Variants in DGKB observed in about 807,000 individuals in gnomAD.
The protein encoded by DGKB is 90 kDa diacylglycerol kinase.
DGKB carries 67 observed loss-of-function variants against 114.3 expected under a neutral mutation model. The observed-to-expected ratio is 0.59, with a 90% CI of 0.48 to 0.72. The LOEUF (loss-of-function observed/expected upper bound fraction) is 0.72, where lower values mean the gene tolerates loss of function less well. DGKB is among the 30% of genes least tolerant of loss of function. The probability of loss-of-function intolerance (pLI) is 0.00; values close to 1 mark genes in which losing one functional copy is unlikely to be tolerated. For synonymous variants in DGKB, 398 were observed against 323.1 expected (o/e 1.23, Z -2.49); for missense variants, 907 against 975.2 (o/e 0.93, Z 0.93).
At chr7:14,453,770 G>A (rs1401270674) in intron 21 of DGKB, among the ~76,000 whole-genome samples, 1 of 152,076 alleles carries the variant, frequency 6.6e-6, no homozygotes. Context: ...CTCTGCCCTT[G>A]TAGTTCAAAT....
intron 15 of DGKB, among the ~76,000 whole-genome samples, chr7:14,615,102 G>A (rs968490509): frequency 6.6e-6 from 1 of 151,930 alleles, no homozygotes. Context: ...GTTTTCATAA[G>A]CAAATAGCAA....
intron 23 of DGKB, among the ~76,000 whole-genome samples, chr7:14,278,334 A>G (rs1244725789): frequency 6.6e-6 from 1 of 152,172 alleles, no homozygotes; most frequent in Non-Finnish European, 1.5e-5. Flanking sequence ...CTAGAAATAA[A>G]CCCATATATT....
intron 23 of DGKB, among the ~76,000 whole-genome samples, chr7:14,335,732 T>C (rs1199323961): frequency 6.6e-6 from 1 of 152,120 alleles, no homozygotes; most frequent in Admixed American, 6.6e-5. Context: ...TATTGCTGCT[T>C]TGTTGTGTTT....
Position 14,359,578 on chromosome 7 carries a change from G to GCTAA in DGKB, c.1836-14191_1836-14188dup, listed in dbSNP as rs1815288052. Among the ~76,000 whole-genome samples, 3 of 152,180 alleles carry GCTAA rather than the reference G, an allele frequency of 2.0e-5. No individual in the cohort carries two copies. In the South Asian group the frequency reaches 6.2e-4, roughly 32 times the overall value. On this transcript the variant is annotated intron_variant, in intron 21 of 25. Transcript: ENST00000402815. Reference sequence around the variant, plus strand: ...TTGCAATCTACCCATCTGACAAAGGGCTAATATTCAGAATCTACAAAGAAC... The same window carrying GCTAA: ...TTGCAATCTACCCATCTGACAAAGGGCTAACTAATATTCAGAATCTACAAAGAAC...
At chr7:14,795,427 A>G (rs1586567020) in intron 2 of DGKB, among the ~76,000 whole-genome samples, 2 of 152,252 alleles carry the variant, frequency 1.3e-5, no homozygotes, top group Non-Finnish European at 2.9e-5. Context: ...TTAGGGATAT[A>G]TTGTAATGTT....
At chr7:14,734,197 G>A (rs1023762693) in intron 5 of DGKB, among the ~76,000 whole-genome samples, 1 of 81,878 alleles carries the variant, frequency 1.2e-5, no homozygotes, top group Admixed American at 1.1e-4. Flanking sequence ...ACCATGCCCG[G>A]CTAATTTTTT....
At chr7:14,342,012 A>G (rs1441806766) in intron 22 of DGKB, among the ~76,000 whole-genome samples, 1 of 151,868 alleles carries the variant, frequency 6.6e-6, no homozygotes, top group Non-Finnish European at 1.5e-5. Context: ...TAATTTCAGT[A>G]TTAGGACACA....
At chr7:14,571,513 C>T (rs1208977090) in intron 20 of DGKB, among the ~76,000 whole-genome samples, 2 of 152,118 alleles carry the variant, frequency 1.3e-5, no homozygotes, top group East Asian at 1.9e-4. Flanking sequence ...CAAGAGATCT[C>T]GGAATCAAAC....
chr7:14,400,776 G>C (rs1029567109), intron 21 of DGKB, among the ~76,000 whole-genome samples: 1 of 147,628 alleles, frequency 6.8e-6, no homozygotes, highest in Admixed American at 6.7e-5. Context: ...ATCCTGAAAT[G>C]TGGCTTAAGG....
Position 14,484,001 on chromosome 7 carries a change from T to C in DGKB, c.1771-5776A>G, listed in dbSNP as rs116501273. 5.5e-3 allele frequency among the ~76,000 whole-genome samples: 829 copies of C among 151,896 alleles called. 6 individuals are homozygous for C. The highest frequency in any genetic ancestry group is 0.019 in the African/African-American group (802 of 41,442). On this transcript the variant is annotated intron_variant, in intron 20 of 25. Transcript: ENST00000402815. ...TTGTGGTAATTTGTTACAGCAGGCA[T>C]GGGAAACTTATACTTCATCTGTTCA... is the stretch of plus-strand genomic sequence containing the variant.
intron 21 of DGKB, among the ~76,000 whole-genome samples, chr7:14,416,677 G>A (rs1825779006): frequency 6.6e-6 from 1 of 151,992 alleles, no homozygotes. Context: ...ATTCTTTCTT[G>A]TGTGCTGCCA....
chr7:14,723,069 C>G (rs926815696), intron 5 of DGKB, among the ~76,000 whole-genome samples: 1 of 150,042 alleles, frequency 6.7e-6, no homozygotes, highest in Non-Finnish European at 1.5e-5. Flanking sequence ...CTGAAGCTCA[C>G]TACTTATCTT....
intron 9 of DGKB, among the ~76,000 whole-genome samples, chr7:14,692,510 T>C (rs1823046318): frequency 6.6e-6 from 1 of 152,034 alleles, no homozygotes; most frequent in African/African-American, 2.4e-5. Context: ...AGTAGTCTGA[T>C]TTACATAATG....
intron 23 of DGKB, among the ~76,000 whole-genome samples, chr7:14,293,842 C>A (rs1802122598): frequency 1.3e-5 from 2 of 152,136 alleles, no homozygotes; most frequent in Admixed American, 6.6e-5. Context: ...CTTGCTGAGT[C>A]TTTTACAACC....
At chr7:14,711,297 A>G (rs1252785595) in intron 6 of DGKB, among the ~76,000 whole-genome samples, 7 of 152,092 alleles carry the variant, frequency 4.6e-5, no homozygotes, top group Non-Finnish European at 1.5e-5. Context: ...TATCATACAT[A>G]TATTGAGTAC....
At chr7:14,358,301 C>T (rs958411040) in intron 21 of DGKB, among the ~76,000 whole-genome samples, 7 of 152,040 alleles carry the variant, frequency 4.6e-5, no homozygotes, top group African/African-American at 1.7e-4. Context: ...CTTTTTACTC[C>T]TTTTTTGTCT....
chr7:14,961,721 C>T (rs936913007), intron 1 of DGKB, among the ~76,000 whole-genome samples: 4 of 152,258 alleles, frequency 2.6e-5, no homozygotes, highest in African/African-American at 7.2e-5. Flanking sequence ...TCAGACCTCC[C>T]TGTTGGGCTG....
At chr7:14,912,619 C>A (rs991981982) in intron 1 of DGKB, among the ~76,000 whole-genome samples, 2 of 152,106 alleles carry the variant, frequency 1.3e-5, no homozygotes, top group East Asian at 1.9e-4. Flanking sequence ...TATGTAGATT[C>A]AGCCACAAAA....
intron 25 of DGKB, among the ~76,000 whole-genome samples, chr7:14,164,654 G>A (rs1300870832): frequency 6.6e-6 from 1 of 152,180 alleles, no homozygotes; most frequent in South Asian, 2.1e-4. Context: ...AAATGATAAT[G>A]AGGAAACAAT....
Sources: allele counts gnomAD v4.1 joint callset (sites outside exome capture counted in the v4.1 genomes callset), GRCh38; gene constraint gnomAD v4.1.1; transcripts MANE v1.5; gene names NCBI Gene and HGNC (gene_info 2026-07-23, HGNC 2026-07-21).